SLC6A6: variants seen among roughly 807,000 people sequenced by gnomAD.
SLC6A6 encodes the protein solute carrier family 6 member 6.
In SLC6A6, 16 loss-of-function variants were observed where a neutral mutation model predicts 68.8. The ratio of observed to expected loss-of-function variants is 0.23; its 90% CI spans 0.16 to 0.35. The LOEUF (loss-of-function observed/expected upper bound fraction) is 0.35, where lower values mean the gene tolerates loss of function less well. Ranked by LOEUF, SLC6A6 falls within the 10% of genes least tolerant of loss-of-function variation. The pLI, the probability that SLC6A6 is intolerant of heterozygous loss-of-function variation, is 1.00. For synonymous variants in SLC6A6, 312 were observed against 315.4 expected, an observed-to-expected ratio of 0.99 and a Z score of 0.12; for missense variants, 474 against 802.8, an observed-to-expected ratio of 0.59 and a Z score of 4.95.
At chr3:14,470,331 A>T (rs1233975068) in intron 9 of SLC6A6, among the ~76,000 whole-genome samples, 2 of 152,230 alleles carry the variant, frequency 1.3e-5, no homozygotes, top group African/African-American at 4.8e-5. Context: ...AACAAGCACC[A>T]TATTGAGTGA....
chr3:14,482,203 C>T (rs3821591), intron 14 of SLC6A6, among the ~76,000 whole-genome samples: 48,667 of 152,044 alleles, frequency 0.32, 9,959 homozygotes, highest in African/African-American at 0.57. Context: ...GGGGCTTTAT[C>T]CTGGGACCAG....
chr3:14,445,663 G>C, intron 3 of SLC6A6, 54 bp from the exon 4 acceptor site: 5 of 1,609,108 alleles, frequency 3.1e-6, no homozygotes, highest in Non-Finnish European at 4.3e-6. Context: ...GGAGCCTTCT[G>C]CGTCGGCGCT....
intron 2 of SLC6A6, among the ~76,000 whole-genome samples, chr3:14,418,713 T>C (rs1699420026): frequency 1.3e-5 from 2 of 152,238 alleles, no homozygotes; most frequent in East Asian, 3.8e-4. Context: ...TGAGCGCTTA[T>C]TGCACATCAG....
chr3:14,459,878 CTCT>C (rs1223428062), intron 6 of SLC6A6, among the ~76,000 whole-genome samples: 10 of 148,056 alleles, frequency 6.8e-5, no homozygotes, highest in Non-Finnish European at 1.0e-4. Flanking sequence ...AATGCTAATT[CTCT>C]TCTTTTTTTT....
chr3:14,423,293 T>A (rs548268601), intron 2 of SLC6A6, among the ~76,000 whole-genome samples: 36 of 152,314 alleles, frequency 2.4e-4, no homozygotes, highest in African/African-American at 8.4e-4. Flanking sequence ...GGCCTTCTCA[T>A]GCCTCGGTGT....
chr3:14,444,984 C>T (rs1700080067), intron 3 of SLC6A6: 2 of 400,460 alleles, frequency 5.0e-6, no homozygotes, highest in South Asian at 3.6e-5. Flanking sequence ...TGCTTTTCTG[C>T]CTCCTGCCCT....
At position 14,486,793 on chromosome 3, in the gene SLC6A6, G is replaced by A. The variant is rs1341492343; in HGVS notation, c.*1786G>A. The A allele has an allele frequency of 6.6e-6, 1 of 152,310 alleles. No individual in the cohort carries two copies. Among genetic ancestry groups the A allele is most frequent in the African/African-American group, 2.4e-5 (1 of 41,432 alleles). 9.4% of individuals were successfully genotyped at this position (152,310 alleles called of 1,614,324 possible). Reference sequence around the variant, plus strand: ...ATTTGGGAGGAGGAGTATGCCTTTGGTGTCCCCCTCCCAAGGGGCAATTCT... The same window carrying A: ...ATTTGGGAGGAGGAGTATGCCTTTGATGTCCCCCTCCCAAGGGGCAATTCT... On this transcript the variant is annotated 3_prime_UTR_variant, in exon 15 of 15. Transcript: ENST00000622186.
chr3:14,464,126 C>T (rs961558248), intron 6 of SLC6A6, among the ~76,000 whole-genome samples: 30 of 152,310 alleles, frequency 2.0e-4, no homozygotes, highest in Admixed American at 4.6e-4. Context: ...CCCTTTACTT[C>T]CTGGTGGGGA....
intron 6 of SLC6A6, among the ~76,000 whole-genome samples, chr3:14,461,170 C>T (rs771620023): frequency 2.6e-5 from 4 of 152,358 alleles, no homozygotes; most frequent in South Asian, 2.1e-4. Flanking sequence ...ATAACGGTGG[C>T]GAAAGCGCAG....
chr3:14,468,034 C>T lies in SLC6A6; in HGVS notation c.972-54C>T, dbSNP rs545052382. On this transcript the variant is annotated intron_variant, in intron 8 of 14. Coordinates refer to ENST00000622186, the MANE Select transcript of SLC6A6 (RefSeq NM_003043.6). This position sits in a 1 kb window ranked among gnomAD's most constrained non-coding sequence, Gnocchi z 4.5. ...TTTAAAGAAAAAGAGAAGTAGGGAGCGTGGCTTCCTTGTGTTGTGAATTAA... is the reference window on the plus strand; with the variant it reads ...TTTAAAGAAAAAGAGAAGTAGGGAGTGTGGCTTCCTTGTGTTGTGAATTAA... 9.9e-6 allele frequency: 16 copies of T among 1,613,044 alleles called. No homozygotes were observed. The highest frequency in any genetic ancestry group is 6.7e-5 in the East Asian group (3 of 44,870).
intron 2 of SLC6A6, among the ~76,000 whole-genome samples, chr3:14,419,413 TG>T (rs1699438304): frequency 6.6e-6 from 1 of 152,282 alleles, no homozygotes; most frequent in African/African-American, 2.4e-5. Context: ...GATGCGGACA[TG>T]GGAATGTGTG....
intron 5 of SLC6A6, among the ~76,000 whole-genome samples, chr3:14,455,798 CA>C (rs372508534): frequency 9.9e-4 from 151 of 152,334 alleles, no homozygotes; most frequent in African/African-American, 3.6e-3. Context: ...TGGCAGGCGC[CA>C]GATCCACATG....
At chr3:14,428,569 G>C (rs1478296323) in intron 2 of SLC6A6, among the ~76,000 whole-genome samples, 1 of 152,212 alleles carries the variant, frequency 6.6e-6, no homozygotes, top group East Asian at 1.9e-4. Flanking sequence ...ACCTGAAGCA[G>C]AGACAGGTTT....
rs571777678 is a variant in SLC6A6, at chr3:14,438,410, G to T, written c.-11-5214G>T. ...ACAGCTTAGTCATGGCCTCAGCCCAGAATCTGGCTCTGGAATGGGCAGAAA... is the reference window on the plus strand; with the variant it reads ...ACAGCTTAGTCATGGCCTCAGCCCATAATCTGGCTCTGGAATGGGCAGAAA... On this transcript the variant is annotated intron_variant, in intron 2 of 14. Coordinates refer to ENST00000622186, the MANE Select transcript of SLC6A6 (RefSeq NM_003043.6). Among the ~76,000 whole-genome samples, 6 of 152,290 alleles carry T rather than the reference G, an allele frequency of 3.9e-5. No individual in the cohort carries two copies. In the East Asian group the frequency reaches 9.6e-4, roughly 24 times the overall value.
intron 2 of SLC6A6, among the ~76,000 whole-genome samples, chr3:14,426,923 G>A (rs571766798): frequency 1.7e-3 from 255 of 152,256 alleles, no homozygotes; most frequent in African/African-American, 5.6e-3. Flanking sequence ...CAGAAACGGC[G>A]TGGCGATGGG....
chr3:14,466,754 C>A, intron 7 of SLC6A6, 104 bp downstream of exon 7: 1 of 1,128,654 alleles, frequency 8.9e-7, no homozygotes, highest in Non-Finnish European at 1.2e-6. Flanking sequence ...TTCCGTGGTT[C>A]TTCAGTGCAC....
chr3:14,425,969 C>T (rs1699588121), intron 2 of SLC6A6, among the ~76,000 whole-genome samples: 1 of 152,042 alleles, frequency 6.6e-6, no homozygotes, highest in South Asian at 2.1e-4. Context: ...AGATGCCTTG[C>T]AAGCATTGAG....
chr3:14,458,307 A>G (rs1022425891), intron 6 of SLC6A6, among the ~76,000 whole-genome samples: 3 of 152,260 alleles, frequency 2.0e-5, no homozygotes, highest in African/African-American at 7.2e-5. Flanking sequence ...AGCTGTCCAC[A>G]GTTTAATGAC....
chr3:14,410,224 G>A (rs904957905), intron 1 of SLC6A6, among the ~76,000 whole-genome samples: 4 of 148,168 alleles, frequency 2.7e-5, no homozygotes, highest in South Asian at 4.3e-4. Flanking sequence ...GTGGCTCCCT[G>A]TGCTCCCCCC....
Sources: allele counts gnomAD v4.1 joint callset (sites outside exome capture counted in the v4.1 genomes callset), GRCh38; gene constraint gnomAD v4.1.1; non-coding constraint Gnocchi (gnomAD v3.1); transcripts MANE v1.5; gene names NCBI Gene and HGNC (gene_info 2026-07-23, HGNC 2026-07-21).